CERK: variants seen among roughly 807,000 people sequenced by gnomAD.
CERK encodes acylsphingosine kinase.
A neutral mutation model predicts 63.4 loss-of-function variants in CERK; 39 were observed. The observed-to-expected ratio is 0.61, with a 90% CI of 0.48 to 0.80. The LOEUF (loss-of-function observed/expected upper bound fraction) is 0.80, where lower values mean the gene tolerates loss of function less well. Among genes scored for constraint, CERK ranks in the 30% least tolerant of loss-of-function variants. The pLI is 0.00. For synonymous variants in CERK, 302 were observed against 280.0 expected, an observed-to-expected ratio of 1.08 and a Z score of -0.78; for missense variants, 670 against 714.1, an observed-to-expected ratio of 0.94 and a Z score of 0.70.
At chr22:46,688,087 C>T (rs141183491) in intron 12 of CERK, among the ~76,000 whole-genome samples, 1 of 152,210 alleles carries the variant, frequency 6.6e-6, no homozygotes, top group East Asian at 1.9e-4. Context: ...ACTTGGGAGG[C>T]TGAGGCAGGA....
intron 1 of CERK, among the ~76,000 whole-genome samples, chr22:46,729,673 G>A (rs533933853): frequency 4.6e-5 from 7 of 152,200 alleles, no homozygotes; most frequent in African/African-American, 1.7e-4. Flanking sequence ...AAATGTTAAC[G>A]TTCTCAAGGG....
intron 12 of CERK, among the ~76,000 whole-genome samples, chr22:46,688,002 G>T (rs1218889442): frequency 6.6e-6 from 1 of 152,132 alleles, no homozygotes; most frequent in Non-Finnish European, 1.5e-5. Context: ...TTTGAGACCA[G>T]CCTGGCCAAC....
At chr22:46,731,365 C>T (rs2082944570) in intron 1 of CERK, among the ~76,000 whole-genome samples, 1 of 152,180 alleles carries the variant, frequency 6.6e-6, no homozygotes, top group Admixed American at 6.5e-5. Flanking sequence ...GCCAAGGTGG[C>T]CTTAGCAGAG....
chr22:46,721,435 C>A (rs1323280375), intron 1 of CERK, among the ~76,000 whole-genome samples: 1 of 135,176 alleles, frequency 7.4e-6, no homozygotes, highest in Non-Finnish European at 1.5e-5. Flanking sequence ...TTTTTTAATA[C>A]CCCCTCCCCC....
chr22:46,713,737 G>C (rs142793326), intron 3 of CERK, among the ~76,000 whole-genome samples: 1 of 152,254 alleles, frequency 6.6e-6, no homozygotes, highest in East Asian at 1.9e-4. Flanking sequence ...AGAGAGACTG[G>C]AGGCTTCCAC....
Position 46,707,833 on chromosome 22 carries a change from G to A in CERK, c.715+10C>T, listed in dbSNP as rs767088046. 1.0e-5 allele frequency: 16 copies of A among 1,598,964 alleles called. No individual in the cohort carries two copies. In the Admixed American group the frequency reaches 2.1e-4, roughly 21 times the overall value. The stretch of plus-strand genomic sequence containing the variant: ...CGAAGAGAACAGAGAATGCCAGGCC[G>A]GCTCCATACCTGCGGGAATGATTCC... On this transcript the variant is annotated intron_variant, in intron 6 of 12. Coordinates refer to ENST00000216264, the MANE Select transcript of CERK (RefSeq NM_022766.6).
chr22:46,689,953 A>C lies in CERK; in HGVS notation c.1541+39T>G, dbSNP rs768600722. The C allele has an allele frequency of 2.7e-5, 41 of 1,520,898 alleles. No individual in the cohort carries two copies. In the Middle Eastern group the frequency reaches 5.6e-4, roughly 21 times the overall value. The allele number at this position is 1,520,898 out of a possible 1,614,324, so 94.2% of individuals were successfully genotyped here. ...CTTGTGACAGACACCTCAGGGCTCA[A>C]GGGGATGGCGCTGGTGGCTGGAGGA... On this transcript the variant is annotated intron_variant, in intron 12 of 12. Coordinates refer to ENST00000216264, the MANE Select transcript of CERK (RefSeq NM_022766.6).
chr22:46,732,251 G>T lies in CERK; in HGVS notation c.142+5756C>A, dbSNP rs1485127053. 2.0e-5 allele frequency among the ~76,000 whole-genome samples: 3 copies of T among 152,306 alleles called. No homozygotes were observed. The East Asian group carries it at 5.8e-4, about 29-fold the overall frequency. ...CGGGTGACAGGCTGGCTGTCTCCAG[G>T]ACAGAGGAGAACTCGTGCCTGGAAG... is the stretch of plus-strand genomic sequence containing the variant. On this transcript the variant is annotated intron_variant, in intron 1 of 12. Coordinates refer to ENST00000216264, the MANE Select transcript of CERK (RefSeq NM_022766.6).
intron 2 of CERK, among the ~76,000 whole-genome samples, chr22:46,720,674 A>G (rs1456883425): frequency 6.6e-6 from 1 of 152,184 alleles, no homozygotes; most frequent in Non-Finnish European, 1.5e-5. Flanking sequence ...CAGCTTGGGC[A>G]ACAAGAGCAA....
intron 3 of CERK, among the ~76,000 whole-genome samples, chr22:46,719,862 G>A (rs2082883530): frequency 1.3e-5 from 2 of 152,250 alleles, no homozygotes; most frequent in Non-Finnish European, 1.5e-5. Flanking sequence ...CCTGGCCAGT[G>A]AGCAGGGGGC....
At chr22:46,737,097 C>T (rs2082977482) in intron 1 of CERK, among the ~76,000 whole-genome samples, 1 of 152,232 alleles carries the variant, frequency 6.6e-6, no homozygotes, top group Non-Finnish European at 1.5e-5. Flanking sequence ...AATTCAAGAC[C>T]AGCCTGGCCA....
At chr22:46,716,932 C>G (rs900186523) in intron 3 of CERK, among the ~76,000 whole-genome samples, 10 of 146,352 alleles carry the variant, frequency 6.8e-5, no homozygotes, top group Admixed American at 6.7e-4. Context: ...GAGACTCTGT[C>G]CCCCCACCAA....
chr22:46,690,029 C>T lies in CERK; in HGVS notation c.1504G>A (p.Asp502Asn), dbSNP rs750492834. 1.1e-5 allele frequency: 17 copies of T among 1,611,790 alleles called. No homozygotes were observed. In the South Asian group the frequency reaches 1.2e-4, roughly 11 times the overall value. The part of the protein sequence containing the change: ...CTVSNSSWNC[D>N]GEVLHSPAIE... ...GCAGGGCTGTGCAGGACCTCCCCGT[C>T]GCAGTTCCAGGAGCTGTTGGAGACG... Residue 502 changes from aspartate to asparagine, a missense_variant, in exon 12 of 13, where the codon GAC becomes AAC. By Grantham distance (23) the Asp-to-Asn change is conservative (BLOSUM62 1). Coordinates refer to ENST00000216264, the MANE Select transcript of CERK (RefSeq NM_022766.6).
chr22:46,734,903 CTA>C (rs1474299985), intron 1 of CERK, among the ~76,000 whole-genome samples: 4 of 152,134 alleles, frequency 2.6e-5, no homozygotes, highest in African/African-American at 9.7e-5. Flanking sequence ...TGTGGCATGC[CTA>C]TGTTTTGCCA....
Position 46,685,076 on chromosome 22 carries a change from T to TG in CERK, c.*2057dup, listed in dbSNP as rs11404743. On this transcript the variant is annotated 3_prime_UTR_variant, in exon 13 of 13. Transcript: ENST00000216264. Reference sequence around the variant, plus strand: ...GTGTATGGGAAACTTTTTTTTTTGTTGGGGGGGGCGATGGAGTCTCCCTCT... The same window carrying TG: ...GTGTATGGGAAACTTTTTTTTTTGTTGGGGGGGGGCGATGGAGTCTCCCTCT... 78,302 of 147,538 alleles carry TG rather than the reference T, an allele frequency of 0.53. 21,586 individuals are homozygous for TG. The highest frequency in any genetic ancestry group is 0.64 in the African/African-American group (25,507 of 40,062). The allele number at this position is 147,538 out of a possible 1,614,324, so 9.1% of individuals were successfully genotyped here.
At chr22:46,697,241 C>T (rs976105805) in intron 8 of CERK, among the ~76,000 whole-genome samples, 4 of 152,084 alleles carry the variant, frequency 2.6e-5, no homozygotes, top group Admixed American at 2.0e-4. Context: ...TGTAAAGAGG[C>T]GGGAAAGTCG....
intron 1 of CERK, among the ~76,000 whole-genome samples, chr22:46,734,245 G>A (rs1247268451): frequency 6.6e-6 from 1 of 152,020 alleles, no homozygotes; most frequent in Non-Finnish European, 1.5e-5. Context: ...ATACACTAGT[G>A]CACCCACACA....
At chr22:46,732,753 C>T (rs996508740) in intron 1 of CERK, among the ~76,000 whole-genome samples, 19 of 152,130 alleles carry the variant, frequency 1.2e-4, no homozygotes, top group Non-Finnish European at 2.6e-4. Flanking sequence ...TGGTTGAGAG[C>T]AGCATCTCAT....
intron 1 of CERK, among the ~76,000 whole-genome samples, chr22:46,726,652 T>TTAAA (rs1481813676): frequency 1.3e-5 from 2 of 152,106 alleles, no homozygotes; most frequent in African/African-American, 4.8e-5. Flanking sequence ...TCATTAAAAA[T>TTAAA]TAAAGGTGAG....
Sources: gnomAD v4.1 joint callset for allele counts (sites outside exome capture counted in the v4.1 genomes callset) on GRCh38, gnomAD v4.1.1 for gene constraint, MANE v1.5 for transcripts, NCBI Gene and HGNC (gene_info 2026-07-23, HGNC 2026-07-21) for gene names.